The following HDLBP variants were observed in gnomAD, a reference collection of about 807,000 sequenced individuals.
HDLBP encodes the protein vigilin.
HDLBP carries 30 observed loss-of-function variants against 137.3 expected under a neutral mutation model. That is an observed-to-expected ratio of 0.22 (90% CI 0.16 to 0.30). The LOEUF is 0.30. HDLBP is among the 10% of genes least tolerant of loss of function. HDLBP has a pLI of 1.00. For missense variants in HDLBP, 1,119 were observed against 1,667.3 expected (o/e 0.67, Z 5.73); for synonymous variants, 606 against 596.0 (o/e 1.02, Z -0.24).
At chr2:241,295,559 G>A (rs1264707017) in intron 1 of HDLBP, among the ~76,000 whole-genome samples, 3 of 152,140 alleles carry the variant, frequency 2.0e-5, no homozygotes. Context: ...AAAGATGTCT[G>A]TTCTATTCCA....
intron 3 of HDLBP, 47 bp downstream of exon 3, chr2:241,266,747 G>A (rs2073704392): frequency 1.7e-6 from 2 of 1,193,018 alleles, no homozygotes; most frequent in Non-Finnish European, 2.5e-6. Context: ...TTTAGAGGGA[G>A]CAATGCCTTA....
chr2:241,260,161 G>A (rs4675817), intron 5 of HDLBP, among the ~76,000 whole-genome samples: 5,068 of 151,998 alleles, frequency 0.033, 510 homozygotes, highest in Admixed American at 0.19. Context: ...CCACCGCCAC[G>A]CCTGGCTAAT....
At chr2:241,260,027 G>A (rs1029645400) in intron 5 of HDLBP, among the ~76,000 whole-genome samples, 1 of 152,158 alleles carries the variant, frequency 6.6e-6, no homozygotes, top group African/African-American at 2.4e-5. Context: ...TTTTGAGACA[G>A]AGTTTTGCTC....
chr2:241,273,252 G>A (rs1156545384), intron 1 of HDLBP: 16 of 984,904 alleles, frequency 1.6e-5, no homozygotes, highest in East Asian at 1.1e-4. Flanking sequence ...CTCCCAGGCG[G>A]CTCCAGGGCT....
chr2:241,299,697 C>T (rs1267979828), intron 1 of HDLBP, among the ~76,000 whole-genome samples: 4 of 152,016 alleles, frequency 2.6e-5, no homozygotes, highest in Non-Finnish European at 4.4e-5. Flanking sequence ...AGGTGGATCA[C>T]GAGGTCAGGA....
intron 11 of HDLBP, among the ~76,000 whole-genome samples, chr2:241,252,330 C>T (rs370071183): frequency 1.3e-4 from 20 of 152,154 alleles, no homozygotes; most frequent in African/African-American, 3.9e-4. Flanking sequence ...GGTGAAACCC[C>T]GTCTCTTCTA....
chr2:241,240,266 TG>T lies in HDLBP; in HGVS notation c.2170-145del. ...TGATGTTGCACCAATACCCCCAAAATGGGGCTAGCACACCTCACTGAATAAA... is the reference window on the plus strand; with the variant it reads ...TGATGTTGCACCAATACCCCCAAAATGGGCTAGCACACCTCACTGAATAAA... On this transcript the variant is annotated intron_variant, in intron 17 of 27. Coordinates refer to ENST00000310931, the MANE Select transcript of HDLBP (RefSeq NM_005336.6). This position sits in a 1 kb window ranked among gnomAD's most constrained non-coding sequence, Gnocchi z 5.5. The T allele has an allele frequency of 1.3e-6, 1 of 745,850 alleles. No individual in the cohort carries two copies. Among genetic ancestry groups the T allele is most frequent in the Non-Finnish European group, 2.4e-6 (1 of 422,022 alleles). 46.2% of individuals were successfully genotyped at this position (745,850 alleles called of 1,614,324 possible). A position where few individuals can be genotyped will look rare whatever the true frequency, so the allele number is the denominator to read the frequency against.
chr2:241,305,927 A>AT (rs1414880657), intron 1 of HDLBP, among the ~76,000 whole-genome samples: 1 of 151,466 alleles, frequency 6.6e-6, no homozygotes, highest in Non-Finnish European at 1.5e-5. Flanking sequence ...TGCTCAACTA[A>AT]TTTTTTGTAT....
chr2:241,272,000 G>A (rs1314756910), intron 1 of HDLBP: 1 of 172,578 alleles, frequency 5.8e-6, no homozygotes, highest in Non-Finnish European at 1.2e-5. Flanking sequence ...AGGCCACGAG[G>A]GCCCGCGGGC....
In HDLBP at chr2:241,256,249, A is replaced by C. The variant is rs2072603059; in HGVS notation, c.808T>G (p.Phe270Val). Residue 270 changes from phenylalanine (F) to valine (V), a missense_variant, in exon 7 of 28, where the codon TTC becomes GTC. By Grantham distance (50) the Phe-to-Val change is conservative. This residue lies in a region of HDLBP where 425 missense variants were observed against 693.9 expected (regional missense o/e 0.61). Transcript: ENST00000310931. ...GCCAACTGTTCCTTCTCTCCAGTGAAGACAATCTCTGTCCGGTTCACGCTG... is the reference window on the plus strand; with the variant it reads ...GCCAACTGTTCCTTCTCTCCAGTGACGACAATCTCTGTCCGGTTCACGCTG... ...PPSVNRTEIVFTGEKEQLAQA... is the reference protein window; with the variant it reads ...PPSVNRTEIVVTGEKEQLAQA... 1 of 1,614,032 alleles carries C rather than the reference A, an allele frequency of 6.2e-7. No individual in the cohort carries two copies.
intron 9 of HDLBP, among the ~76,000 whole-genome samples, chr2:241,254,290 AT>A (rs745351921): frequency 1.3e-5 from 2 of 152,142 alleles, no homozygotes; most frequent in Non-Finnish European, 1.5e-5. Context: ...AATAAAAAAA[AT>A]TTAATTTTTA....
At chr2:241,305,099 G>A (rs1168040685) in intron 1 of HDLBP, among the ~76,000 whole-genome samples, 1 of 152,180 alleles carries the variant, frequency 6.6e-6, no homozygotes, top group East Asian at 1.9e-4. Flanking sequence ...AACGACTCCT[G>A]CAAGTGGCTT....
chr2:241,271,213 C>CA (rs2074012828), intron 1 of HDLBP: 1 of 824,944 alleles, frequency 1.2e-6, no homozygotes, highest in African/African-American at 1.9e-5. Context: ...CTACTTTTCC[C>CA]ATAGGAAGCT....
chr2:241,258,256 C>T (rs183739778), intron 5 of HDLBP, among the ~76,000 whole-genome samples: 4 of 143,374 alleles, frequency 2.8e-5, no homozygotes, highest in East Asian at 2.1e-4. Context: ...CTGAGGCAGG[C>T]GAATGGCGTG....
At chr2:241,271,090 G>A (rs2074004209) in intron 1 of HDLBP, 1 of 985,266 alleles carries the variant, frequency 1.0e-6, no homozygotes, top group Admixed American at 6.1e-5. Context: ...TTCTGGCCAT[G>A]GAGAACAAGT....
At chr2:241,234,110 C>T (rs544201184) in intron 23 of HDLBP, 147 bp from the exon 24 acceptor site, 19 of 817,414 alleles carry the variant, frequency 2.3e-5, no homozygotes, top group East Asian at 5.2e-5. Flanking sequence ...CTCTCTGGTC[C>T]GACCTCTGCC....
chr2:241,275,410 G>A (rs1411800693), intron 1 of HDLBP, among the ~76,000 whole-genome samples: 1 of 151,972 alleles, frequency 6.6e-6, no homozygotes, highest in Non-Finnish European at 1.5e-5. Context: ...GAGATGGAAC[G>A]AATGAAAGAG....
chr2:241,274,485 T>G (rs998929693), intron 1 of HDLBP, among the ~76,000 whole-genome samples: 9 of 152,206 alleles, frequency 5.9e-5, no homozygotes, highest in African/African-American at 1.7e-4. Flanking sequence ...AGTGTGTTTT[T>G]TGTTGCTGTT....
chr2:241,231,051 G>A, intron 24 of HDLBP, 107 bp from the exon 25 acceptor site: 4 of 934,898 alleles, frequency 4.3e-6, no homozygotes, highest in Non-Finnish European at 6.6e-6. Flanking sequence ...AGAGAAGATG[G>A]AAAGCAACGT....
Sources: allele counts gnomAD v4.1 joint callset (sites outside exome capture counted in the v4.1 genomes callset), GRCh38; gene constraint gnomAD v4.1.1; regional missense constraint gnomAD v4.1.1; non-coding constraint Gnocchi (gnomAD v3.1); transcripts MANE v1.5; gene names NCBI Gene and HGNC (gene_info 2026-07-23, HGNC 2026-07-21).